Variants in SNX17 observed in about 807,000 individuals in gnomAD.
SNX17 encodes sorting nexin-17.
SNX17 carries 35 observed loss-of-function variants against 64.3 expected under a neutral mutation model. That is an observed-to-expected ratio of 0.54 (90% CI 0.42 to 0.72). The LOEUF is 0.72. Ranked by LOEUF, SNX17 falls within the 30% of genes least tolerant of loss-of-function variation. The pLI is 0.00. For missense variants in SNX17, 538 were observed against 610.0 expected (o/e 0.88, Z 1.24); for synonymous variants, 259 against 230.2 (o/e 1.13, Z -1.13).
At position 27,376,734 on chromosome 2, in the gene SNX17, A is replaced by G. The variant is rs780127002; in HGVS notation, c.*15A>G. On this transcript the variant is annotated 3_prime_UTR_variant, in exon 15 of 15. Transcript: ENST00000233575. ...AGGATCTGTAATCTCCACTGCTTGG[A>G]TGTCTGCCCTCTACCCCAGAGGAAT... 17 of 1,602,452 alleles carry G rather than the reference A, an allele frequency of 1.1e-5. No homozygotes were observed. The South Asian group carries it at 1.9e-4, about 18-fold the overall frequency.
intron 2 of SNX17, 116 bp from the exon 3 acceptor site, chr2:27,372,507 G>C: frequency 6.9e-7 from 1 of 1,443,616 alleles, no homozygotes; most frequent in Non-Finnish European, 9.6e-7. Flanking sequence ...GGGTAGACAG[G>C]GGAACAGGGA....
At chr2:27,374,851 A>G (rs1474973534) in intron 8 of SNX17, 93 bp downstream of exon 8, 7 of 1,252,004 alleles carry the variant, frequency 5.6e-6, no homozygotes, top group East Asian at 4.6e-5. Context: ...TTTGTTCCCA[A>G]TTTGTGGGGA....
chr2:27,371,544 C>T, intron 2 of SNX17: 1 of 1,131,636 alleles, frequency 8.8e-7, no homozygotes, highest in Non-Finnish European at 1.2e-6. Context: ...ACAACTGCTC[C>T]TTCCTGTTCT....
Position 27,377,414 on chromosome 2 carries a change from GC to G in SNX17, c.*702del, listed in dbSNP as rs765209450. The G allele has an allele frequency of 1.7e-5, 17 of 1,010,898 alleles. No homozygotes were observed. The highest frequency in any genetic ancestry group is 3.2e-5 in the African/African-American group (2 of 63,164). 62.6% of individuals were successfully genotyped at this position (1,010,898 alleles called of 1,614,324 possible). ...AGGCAAGGTCCCCTGGTCCATATGG[GC>G]CCCCCCGCCCATGGGGTTGGGCTGG... On this transcript the variant is annotated 3_prime_UTR_variant, in exon 15 of 15. Transcript: ENST00000233575. The surrounding 1 kb of genome is among the most constrained non-coding windows in gnomAD (Gnocchi z 4.4).
At chr2:27,370,897 A>C in intron 1 of SNX17, 91 bp downstream of exon 1, 1 of 1,404,592 alleles carries the variant, frequency 7.1e-7, no homozygotes, top group South Asian at 1.3e-5. Flanking sequence ...CCTGACCGCC[A>C]CCCTTCGGGC....
Position 27,375,753 on chromosome 2 carries a change from G to A in SNX17, c.978+44G>A. 1 of 1,611,656 alleles carries A rather than the reference G, an allele frequency of 6.2e-7. No individual in the cohort carries two copies. The highest frequency in any genetic ancestry group is 8.5e-7 in the Non-Finnish European group (1 of 1,179,010). On this transcript the variant is annotated intron_variant, in intron 10 of 14. Transcript: ENST00000233575. The surrounding 1 kb of genome is among the most constrained non-coding windows in gnomAD (Gnocchi z 4.1). ...GGGAAGGGCCTGGGTTGGGGGCCCG[G>A]CAAGCCTTGAGCTTAGGTATGGGCT...
In SNX17 at chr2:27,376,332, G is replaced by C. The variant is rs143201625; in HGVS notation, c.1202G>C (p.Gly401Ala). ...SIRKMLRRRV[G>A]GTLRRSDSQQ... The stretch of plus-strand genomic sequence containing the variant: ...CCCCAGATGCTGCGCCGGCGGGTGG[G>C]GGGTACTCTGAGACGCTCAGACAGC... The change falls in exon 13 of 15, where the codon GGG becomes GCG. Residue 401 changes from glycine (G) to alanine (A), a missense_variant. Coordinates refer to ENST00000233575, the MANE Select transcript of SNX17 (RefSeq NM_014748.4). 65 of 1,612,272 alleles carry C rather than the reference G, an allele frequency of 4.0e-5. No homozygotes were observed. Among genetic ancestry groups the C allele is most frequent in the Admixed American group, 2.0e-4 (12 of 59,982 alleles).
chr2:27,372,856 T>C, intron 3 of SNX17, 116 bp downstream of exon 3: 1 of 1,417,584 alleles, frequency 7.1e-7, no homozygotes, highest in East Asian at 2.4e-5. Context: ...AGGCTCTTGT[T>C]TGATCTGTTA....
At position 27,374,553 on chromosome 2, in the gene SNX17, G is replaced by A; in HGVS notation, c.611+120G>A. 2.4e-6 allele frequency: 3 copies of A among 1,231,674 alleles called. No homozygotes were observed. In the East Asian group the frequency reaches 7.0e-5, roughly 29 times the overall value. 76.3% of individuals were successfully genotyped at this position (1,231,674 alleles called of 1,614,324 possible). A position where few individuals can be genotyped will look rare whatever the true frequency, so the allele number is the denominator to read the frequency against. On this transcript the variant is annotated intron_variant, in intron 7 of 14. Transcript: ENST00000233575. ...GTGTAGTGCTGGGTGTTTCTGCCAGGCCTCCCAAGCTTCCTCCCACTATAC... is the reference window on the plus strand; with the variant it reads ...GTGTAGTGCTGGGTGTTTCTGCCAGACCTCCCAAGCTTCCTCCCACTATAC...
chr2:27,374,264 A>C, intron 6 of SNX17, 82 bp from the exon 7 acceptor site: 2 of 1,500,570 alleles, frequency 1.3e-6, no homozygotes. Context: ...CCCAGAATGA[A>C]CATTGCCTCA....
In SNX17 at chr2:27,377,527, G is replaced by C; in HGVS notation, c.*808G>C. 1 of 1,612,794 alleles carries C rather than the reference G, an allele frequency of 6.2e-7. No homozygotes were observed. Among genetic ancestry groups the C allele is most frequent in the Non-Finnish European group, 8.5e-7 (1 of 1,179,022 alleles). ...CTTCTGGTCCGTCTGTATAAAACAT[G>C]GGGAAGAAGGACCTAGTTCAGGATG... On this transcript the variant is annotated 3_prime_UTR_variant, in exon 15 of 15. Coordinates refer to ENST00000233575, the MANE Select transcript of SNX17 (RefSeq NM_014748.4). This position sits in a 1 kb window ranked among gnomAD's most constrained non-coding sequence, Gnocchi z 4.4.
Position 27,371,334 on chromosome 2 carries a change from G to T in SNX17, c.129G>T (p.Leu43=). The change falls in exon 2 of 15, where the codon CTG becomes CTT. Residue 43 remains leucine, a synonymous_variant. Transcript: ENST00000233575. ...CRVRYSQLLG[L]HEQLRKEYGA... is the part of the protein sequence containing the mutation. ...TGCGCTACAGCCAGCTCCTGGGGCT[G>T]CACGAGCAGGTGGGACTAGCACCCC... 6.2e-7 allele frequency: 1 copy of T among 1,611,792 alleles called. No homozygotes were observed.
At position 27,375,878 on chromosome 2, in the gene SNX17, A is replaced by G. The variant is rs900294151; in HGVS notation, c.1011A>G (p.Pro337=). ...VPLPSGSTSS[P]GRGRGEVRLE... ...TGCCCAGTGGAAGCACGAGCAGCCC[A>G]GGCCGGGGCCGGGGTGAGGTGCGCC... is the stretch of plus-strand genomic sequence containing the variant. Residue 337 remains proline (P), a synonymous_variant, in exon 11 of 15, where the codon CCA becomes CCG. Transcript: ENST00000233575. The surrounding 1 kb of genome is among the most constrained non-coding windows in gnomAD (Gnocchi z 4.1). 7 of 1,613,914 alleles carry G rather than the reference A, an allele frequency of 4.3e-6. No individual in the cohort carries two copies. The highest frequency in any genetic ancestry group is 4.0e-5 in the African/African-American group (3 of 74,930).
chr2:27,376,985 GCCTGCCTTGGGGAGGAA>G lies in SNX17; in HGVS notation c.*269_*285del, dbSNP rs1359157611. On this transcript the variant is annotated 3_prime_UTR_variant, in exon 15 of 15. Transcript: ENST00000233575. ...GCACAAAGTCTAAGGGACCATGGCT[GCCTGCCTTGGGGAGGAA>G]CCATATCTCCCTCTGGGCCGCTTCT... is the stretch of plus-strand genomic sequence containing the variant. The G allele has an allele frequency of 2.1e-6, 1 of 479,026 alleles. No homozygotes were observed. Among genetic ancestry groups the G allele is most frequent in the Non-Finnish European group, 3.8e-6 (1 of 262,818 alleles). 29.7% of individuals were successfully genotyped at this position (479,026 alleles called of 1,614,324 possible). A position where few individuals can be genotyped will look rare whatever the true frequency, so the allele number is the denominator to read the frequency against.
At position 27,375,326 on chromosome 2, in the gene SNX17, GAC is replaced by G. The variant is rs1342985569; in HGVS notation, c.774+175_774+176del. On this transcript the variant is annotated intron_variant, in intron 9 of 14. Coordinates refer to ENST00000233575, the MANE Select transcript of SNX17 (RefSeq NM_014748.4). The surrounding 1 kb of genome is among the most constrained non-coding windows in gnomAD (Gnocchi z 4.1). ...GCTAATTTTTTGTATTTTTGGGAGA[GAC>G]AGGGTTTCACCATGTTAGCCAGGAT... 2.0e-5 allele frequency among the ~76,000 whole-genome samples: 3 copies of G among 152,186 alleles called. No individual in the cohort carries two copies. The highest frequency in any genetic ancestry group is 2.9e-5 in the Non-Finnish European group (2 of 68,034).
At position 27,376,676 on chromosome 2, in the gene SNX17, AC is replaced by A; in HGVS notation, c.1371del (p.His457GlnfsTer41). 1.2e-6 allele frequency: 2 copies of A among 1,614,200 alleles called. No individual in the cohort carries two copies. Among genetic ancestry groups the A allele is most frequent in the Non-Finnish European group, 1.7e-6 (2 of 1,180,024 alleles). Reference sequence around the variant, plus strand: ...ACAGATGCCAGTGCCAGTGATGTCCACGGCAATTTCGCCTTCGAGGGCATTG... The same window carrying A: ...ACAGATGCCAGTGCCAGTGATGTCCAGGCAATTTCGCCTTCGAGGGCATTG... ...PSTDASASDV[H>X]GNFAFEGIGD... On this transcript the variant is annotated frameshift_variant, in exon 15 of 15. Coordinates refer to ENST00000233575, the MANE Select transcript of SNX17 (RefSeq NM_014748.4). LOFTEE classifies it high-confidence loss of function.
Position 27,375,484 on chromosome 2 carries a change from C to T in SNX17, c.775-22C>T, listed in dbSNP as rs1683104937. 1.2e-6 allele frequency: 2 copies of T among 1,613,786 alleles called. No homozygotes were observed. The highest frequency in any genetic ancestry group is 1.1e-5 in the South Asian group (1 of 91,076). The stretch of plus-strand genomic sequence containing the variant: ...CCCCATTCTCCCTCCTAATCTACCC[C>T]CATGTGATGACCATTTTTCAGTTCC... On this transcript the variant is annotated intron_variant, in intron 9 of 14. Transcript: ENST00000233575. The surrounding 1 kb of genome is among the most constrained non-coding windows in gnomAD (Gnocchi z 4.1).
chr2:27,377,443 C>T lies in SNX17; in HGVS notation c.*724C>T. On this transcript the variant is annotated 3_prime_UTR_variant, in exon 15 of 15. Coordinates refer to ENST00000233575, the MANE Select transcript of SNX17 (RefSeq NM_014748.4). The surrounding 1 kb of genome is among the most constrained non-coding windows in gnomAD (Gnocchi z 4.4). ...CCCCGCCCATGGGGTTGGGCTGGTC[C>T]TTATAGTGCCTACGTTAGTCTGTGT... The T allele has an allele frequency of 3.0e-6, 4 of 1,350,322 alleles. No individual in the cohort carries two copies. Among genetic ancestry groups the T allele is most frequent in the Non-Finnish European group, 4.2e-6 (4 of 960,582 alleles). The allele number at this position is 1,350,322 out of a possible 1,614,324, so 83.6% of individuals were successfully genotyped here. A position where few individuals can be genotyped will look rare whatever the true frequency, so the allele number is the denominator to read the frequency against.
At position 27,377,129 on chromosome 2, in the gene SNX17, C is replaced by T. The variant is rs1683329457; in HGVS notation, c.*410C>T. 7.3e-6 allele frequency: 3 copies of T among 409,684 alleles called. No homozygotes were observed. Among genetic ancestry groups the T allele is most frequent in the East Asian group, 5.6e-5 (1 of 18,000 alleles). 25.4% of individuals were successfully genotyped at this position (409,684 alleles called of 1,614,324 possible). The stretch of plus-strand genomic sequence containing the variant: ...TTAAACTCAGCCTGACTGCTGCCTA[C>T]CTCTGGTTCCCTCTCACTGCCCCTG... On this transcript the variant is annotated 3_prime_UTR_variant, in exon 15 of 15. Coordinates refer to ENST00000233575, the MANE Select transcript of SNX17 (RefSeq NM_014748.4). This position sits in a 1 kb window ranked among gnomAD's most constrained non-coding sequence, Gnocchi z 4.4.
Sources: allele counts gnomAD v4.1 joint callset (sites outside exome capture counted in the v4.1 genomes callset), GRCh38; gene constraint gnomAD v4.1.1; non-coding constraint Gnocchi (gnomAD v3.1); transcripts MANE v1.5; gene names NCBI Gene and HGNC (gene_info 2026-07-23, HGNC 2026-07-21).